Variants in BCAS3 observed in about 807,000 individuals in gnomAD.
BCAS3 encodes the protein BCAS4/BCAS3 fusion.
BCAS3 carries 53 observed loss-of-function variants against 116.1 expected under a neutral mutation model. The observed-to-expected ratio is 0.46, with a 90% CI of 0.37 to 0.57. The LOEUF is 0.57. Ranked by LOEUF, BCAS3 falls within the 20% of genes least tolerant of loss-of-function variation. BCAS3 has a pLI of 0.00. For missense variants in BCAS3, 917 were observed against 1,165.4 expected, an observed-to-expected ratio of 0.79 and a Z score of 3.10; for synonymous variants, 391 against 408.2, an observed-to-expected ratio of 0.96 and a Z score of 0.51.
At chr17:60,951,734 T>G (rs994138922) in intron 14 of BCAS3, among the ~76,000 whole-genome samples, 5 of 151,774 alleles carry the variant, frequency 3.3e-5, no homozygotes, top group African/African-American at 1.2e-4. Context: ...AATTTACTGA[T>G]TGATAGGGTC....
intron 5 of BCAS3, among the ~76,000 whole-genome samples, chr17:60,730,674 A>C (rs1156731604): frequency 6.6e-6 from 1 of 152,190 alleles, no homozygotes; most frequent in Non-Finnish European, 1.5e-5. Flanking sequence ...TGCTATCTTA[A>C]GTTTTTAAAA....
chr17:61,002,899 C>T (rs1600378721), intron 15 of BCAS3, among the ~76,000 whole-genome samples: 1 of 151,982 alleles, frequency 6.6e-6, no homozygotes, highest in Admixed American at 6.6e-5. Flanking sequence ...TGATTGGACA[C>T]TTACTGTTGT....
In BCAS3 at chr17:61,110,395, G is replaced by A. The variant is rs574174457; in HGVS notation, c.2425+25831G>A. Among the ~76,000 whole-genome samples, 276 of 152,370 alleles carry A rather than the reference G, an allele frequency of 1.8e-3. 5 individuals carry two copies. Among genetic ancestry groups the A allele is most frequent in the African/African-American group, 6.2e-3 (257 of 41,596 alleles). On this transcript the variant is annotated intron_variant, in intron 22 of 23. Coordinates refer to ENST00000407086, the MANE Select transcript of BCAS3 (RefSeq NM_017679.5). ...AGGTCAGTGGGTGCGCGCACCGTGC[G>A]CAAGCCGAAGCAGGGCGAGGCATTG... is the stretch of plus-strand genomic sequence containing the variant.
At chr17:60,748,731 T>C (rs1316780744) in intron 6 of BCAS3, among the ~76,000 whole-genome samples, 2 of 152,208 alleles carry the variant, frequency 1.3e-5, no homozygotes, top group African/African-American at 2.4e-5. Context: ...CTTGAAAATA[T>C]CTAATTAATA....
At position 61,235,465 on chromosome 17, in the gene BCAS3, T is replaced by G. The variant is rs1291070135; in HGVS notation, c.2426-132862T>G. On this transcript the variant is annotated intron_variant, in intron 22 of 23. Coordinates refer to ENST00000407086, the MANE Select transcript of BCAS3 (RefSeq NM_017679.5). This position sits in a 1 kb window ranked among gnomAD's most constrained non-coding sequence, Gnocchi z 5.0. ...TGTGCTTGTTTAGCAGGTAGAGTTA[T>G]TATTCTCTTATGTTCAAATTTATTA... 1.3e-5 allele frequency among the ~76,000 whole-genome samples: 2 copies of G among 152,302 alleles called. No homozygotes were observed. Among genetic ancestry groups the G allele is most frequent in the East Asian group, 3.9e-4 (2 of 5,174 alleles).
intron 22 of BCAS3, among the ~76,000 whole-genome samples, chr17:61,154,687 C>T (rs2077733898): frequency 6.6e-6 from 1 of 152,150 alleles, no homozygotes; most frequent in Non-Finnish European, 1.5e-5. Flanking sequence ...AAGCGACCCT[C>T]CCCACATGGG....
intron 3 of BCAS3, among the ~76,000 whole-genome samples, chr17:60,685,481 C>T (rs796471692): frequency 6.8e-4 from 101 of 149,020 alleles, no homozygotes; most frequent in African/African-American, 2.3e-3. Flanking sequence ...AGAACATAGT[C>T]TTTGATATTA....
intron 19 of BCAS3, among the ~76,000 whole-genome samples, chr17:61,059,794 G>A (rs1271514266): frequency 6.6e-6 from 1 of 152,168 alleles, no homozygotes; most frequent in Non-Finnish European, 1.5e-5. Context: ...GGGAGGCCAA[G>A]TTGGGCAGAT....
In BCAS3 at chr17:61,056,826, T is replaced by A. The variant is rs142844901; in HGVS notation, c.2029+15934T>A. ...TATCTCCATAAAAATGACCATTGCA[T>A]CCATGCACAGATTTTTTCTCTCCAG... is the stretch of plus-strand genomic sequence containing the variant. On this transcript the variant is annotated intron_variant, in intron 19 of 23. Transcript: ENST00000407086. The surrounding 1 kb of genome is among the most constrained non-coding windows in gnomAD (Gnocchi z 4.9). Among the ~76,000 whole-genome samples, 401 of 152,330 alleles carry A rather than the reference T, an allele frequency of 2.6e-3. 3 individuals are homozygous for A. The highest frequency in any genetic ancestry group is 9.3e-3 in the African/African-American group (387 of 41,582).
chr17:60,784,341 C>T (rs1232454400), intron 6 of BCAS3, among the ~76,000 whole-genome samples: 6 of 129,310 alleles, frequency 4.6e-5, no homozygotes, highest in South Asian at 2.4e-4. Flanking sequence ...CTCACTCTGT[C>T]GCCCAGGAGG....
intron 7 of BCAS3, among the ~76,000 whole-genome samples, chr17:60,863,033 G>A (rs1045967129): frequency 2.0e-5 from 3 of 152,090 alleles, no homozygotes; most frequent in Non-Finnish European, 4.4e-5. Flanking sequence ...CCTGTAGTTT[G>A]TCCTTGACAC....
chr17:60,782,957 A>G (rs1377674461), intron 6 of BCAS3, among the ~76,000 whole-genome samples: 1 of 152,126 alleles, frequency 6.6e-6, no homozygotes, highest in Non-Finnish European at 1.5e-5. Flanking sequence ...AAATGCATGC[A>G]TACGTATATT....
At chr17:61,373,982 A>G (rs1185874611) in intron 23 of BCAS3, among the ~76,000 whole-genome samples, 2 of 147,676 alleles carry the variant, frequency 1.4e-5, no homozygotes, top group Non-Finnish European at 3.0e-5. Context: ...TGCCCAGCTA[A>G]TTTTTGTATT....
intron 14 of BCAS3, among the ~76,000 whole-genome samples, chr17:60,986,056 T>A (rs543864368): frequency 1.3e-4 from 20 of 152,356 alleles, no homozygotes; most frequent in African/African-American, 4.3e-4. Flanking sequence ...GTTTTACGTT[T>A]TAGATCCCAC....
Position 61,183,089 on chromosome 17 carries a change from A to G in BCAS3, c.2425+98525A>G, listed in dbSNP as rs541907016. 7.2e-5 allele frequency among the ~76,000 whole-genome samples: 11 copies of G among 152,350 alleles called. No individual in the cohort carries two copies. The East Asian group carries it at 7.7e-4, about 11-fold the overall frequency. ...AAGAACCTTCTTTCAGGATCCTCCT[A>G]TTCTTCCTCCCAATATTGAAAATCA... On this transcript the variant is annotated intron_variant, in intron 22 of 23. Coordinates refer to ENST00000407086, the MANE Select transcript of BCAS3 (RefSeq NM_017679.5).
intron 14 of BCAS3, among the ~76,000 whole-genome samples, chr17:60,984,746 A>G (rs893679652): frequency 2.0e-4 from 31 of 152,108 alleles, no homozygotes; most frequent in Non-Finnish European, 3.4e-4. Context: ...ACAGTGGCTC[A>G]CGCCTGTAAT....
rs1412460230 is a variant in BCAS3, at chr17:61,343,252, G to A, written c.2426-25075G>A. On this transcript the variant is annotated intron_variant, in intron 22 of 23. Coordinates refer to ENST00000407086, the MANE Select transcript of BCAS3 (RefSeq NM_017679.5). The surrounding 1 kb of genome is among the most constrained non-coding windows in gnomAD (Gnocchi z 5.5). The stretch of plus-strand genomic sequence containing the variant: ...AAGGTGGGGAAGTGACGTTTCTAAA[G>A]GTGCCATGTGGAGGAGCAGAACAAG... Among the ~76,000 whole-genome samples, 1 of 152,214 alleles carries A rather than the reference G, an allele frequency of 6.6e-6. No homozygotes were observed. The highest frequency in any genetic ancestry group is 2.4e-5 in the African/African-American group (1 of 41,456).
rs1001535970 is a variant in BCAS3 at position 61,019,080 on chromosome 17, C to T, written c.1637+3179C>T. On this transcript the variant is annotated intron_variant, in intron 16 of 23. Coordinates refer to ENST00000407086, the MANE Select transcript of BCAS3 (RefSeq NM_017679.5). The surrounding 1 kb of genome is among the most constrained non-coding windows in gnomAD (Gnocchi z 5.6). ...ACTCAATATCTTTAAGCCAGAGGTC[C>T]CCAACCCCTGGGCCACAGACTGGTG... Among the ~76,000 whole-genome samples the T allele has an allele frequency of 6.6e-6, 1 of 152,112 alleles. No homozygotes were observed. The highest frequency in any genetic ancestry group is 2.4e-5 in the African/African-American group (1 of 41,428).
chr17:61,125,325 C>CTTT (rs1308746910), intron 22 of BCAS3, among the ~76,000 whole-genome samples: 1 of 152,120 alleles, frequency 6.6e-6, no homozygotes, highest in Non-Finnish European at 1.5e-5. Context: ...CCTCTCTCAG[C>CTTT]CTGTGAAAGA....
Sources: allele counts gnomAD v4.1 joint callset (sites outside exome capture counted in the v4.1 genomes callset), GRCh38; gene constraint gnomAD v4.1.1; non-coding constraint Gnocchi (gnomAD v3.1); transcripts MANE v1.5; gene names NCBI Gene and HGNC (gene_info 2026-07-23, HGNC 2026-07-21).